Variants in CCDC179 observed in about 807,000 individuals in gnomAD.
CCDC179 encodes coiled-coil domain containing 179, also known as coiled-coil domain-containing protein 179.
In CCDC179, 17 loss-of-function variants were observed where a neutral mutation model predicts 12.0. The observed-to-expected ratio is 1.42, with a 90% CI of 0.97 to 2.13. CCDC179 has a LOEUF of 2.13. CCDC179 is among the 30% of genes most tolerant of loss of function. CCDC179 has a pLI of 0.00. For synonymous variants in CCDC179, 27 were observed against 26.4 expected, an observed-to-expected ratio of 1.02 and a Z score of -0.07; for missense variants, 83 against 78.6, an observed-to-expected ratio of 1.06 and a Z score of -0.21.
In CCDC179 at chr11:22,849,798, T is replaced by C. The variant is rs12285694; in HGVS notation, c.196-2277A>G. Among the ~76,000 whole-genome samples the C allele has an allele frequency of 7.2e-3, 1,091 of 152,250 alleles. 17 individuals are homozygous for C. Among genetic ancestry groups the C allele is most frequent in the African/African-American group, 0.025 (1,034 of 41,536 alleles). On this transcript the variant is annotated intron_variant, in intron 3 of 3. Coordinates refer to ENST00000532798, the MANE Select transcript of CCDC179 (RefSeq NM_001195637.2). Reference sequence around the variant, plus strand: ...TCTGGGGTAGATACCCAGGGTTCGTTGTCCCGTACCAAGAAAATTTAGGAC... The same window carrying C: ...TCTGGGGTAGATACCCAGGGTTCGTCGTCCCGTACCAAGAAAATTTAGGAC...
rs1175958372 is a variant in CCDC179, at chr11:22,847,526, A to T, written c.196-5T>A. 2 of 1,398,302 alleles carry T rather than the reference A, an allele frequency of 1.4e-6. No homozygotes were observed. Among genetic ancestry groups the T allele is most frequent in the Middle Eastern group, 2.0e-4 (1 of 5,126 alleles). The allele number at this position is 1,398,302 out of a possible 1,614,324, so 86.6% of individuals were successfully genotyped here. Reference sequence around the variant, plus strand: ...CCTGCTTTATCAAGATGACCACTAGACAAGATTAAAATACACAAAGAATAA... The same window carrying T: ...CCTGCTTTATCAAGATGACCACTAGTCAAGATTAAAATACACAAAGAATAA... On this transcript the variant is annotated splice_polypyrimidine_tract_variant and splice_region_variant and intron_variant, in intron 3 of 3. Coordinates refer to ENST00000532798, the MANE Select transcript of CCDC179 (RefSeq NM_001195637.2).
At chr11:22,850,034 C>T (rs148428246) in intron 3 of CCDC179, among the ~76,000 whole-genome samples, 3 of 152,272 alleles carry the variant, frequency 2.0e-5, no homozygotes, top group Non-Finnish European at 2.9e-5. Context: ...GTTTACATAG[C>T]ATGCAGGGAA....
chr11:22,856,037 A>C (rs1279839816), intron 3 of CCDC179, among the ~76,000 whole-genome samples: 3 of 151,426 alleles, frequency 2.0e-5, no homozygotes, highest in Admixed American at 2.0e-4. Flanking sequence ...AATAATTACC[A>C]ATCTTTCAAA....
At chr11:22,852,356 C>G (rs1205013847) in intron 3 of CCDC179, among the ~76,000 whole-genome samples, 2 of 152,160 alleles carry the variant, frequency 1.3e-5, no homozygotes, top group Non-Finnish European at 2.9e-5. Flanking sequence ...CTTTGTAAAA[C>G]TAATGAAAGG....
At chr11:22,854,042 A>G (rs1267548516) in intron 3 of CCDC179, among the ~76,000 whole-genome samples, 4 of 151,934 alleles carry the variant, frequency 2.6e-5, no homozygotes, top group Non-Finnish European at 5.9e-5. Context: ...AGAATGGAGT[A>G]AAATATTTAA....
chr11:22,858,443 T>A (rs969893216), intron 2 of CCDC179, among the ~76,000 whole-genome samples: 3 of 152,062 alleles, frequency 2.0e-5, no homozygotes, highest in African/African-American at 7.2e-5. Context: ...GCCACCATTG[T>A]GTGGCGTCTA....
chr11:22,855,455 A>G (rs1289502823), intron 3 of CCDC179, among the ~76,000 whole-genome samples: 1 of 151,584 alleles, frequency 6.6e-6, no homozygotes, highest in African/African-American at 2.4e-5. Context: ...ACTAGCACAT[A>G]GATCGATGAA....
intron 3 of CCDC179, among the ~76,000 whole-genome samples, chr11:22,855,066 C>T (rs976794521): frequency 6.6e-6 from 1 of 151,568 alleles, no homozygotes; most frequent in Non-Finnish European, 1.5e-5. Flanking sequence ...GAGGCAAAAA[C>T]TGATAAAAGT....
intron 1 of CCDC179, among the ~76,000 whole-genome samples, chr11:22,860,069 A>G (rs1184996751): frequency 1.3e-5 from 2 of 152,176 alleles, no homozygotes; most frequent in Non-Finnish European, 2.9e-5. Flanking sequence ...ACATCTGGCA[A>G]TTGAGAACTT....
chr11:22,848,992 C>G lies in CCDC179; in HGVS notation c.196-1471G>C, dbSNP rs12787548. ...ATGAAACAAAACAAAATTAAAGTAA[C>G]TGTTTTTGACCATATTTGAGAAGGA... On this transcript the variant is annotated intron_variant, in intron 3 of 3. Transcript: ENST00000532798. 1.8e-3 allele frequency among the ~76,000 whole-genome samples: 271 copies of G among 152,286 alleles called. 4 individuals are homozygous for G. Among genetic ancestry groups the G allele is most frequent in the Non-Finnish European group, 2.7e-3 (187 of 68,012 alleles).
intron 3 of CCDC179, among the ~76,000 whole-genome samples, chr11:22,852,958 A>G (rs73486343): frequency 0.034 from 5,133 of 152,260 alleles, 284 homozygotes; most frequent in African/African-American, 0.12. Context: ...CAACACATCA[A>G]TTAGTCTCCT....
chr11:22,855,095 A>T (rs760420604), intron 3 of CCDC179, among the ~76,000 whole-genome samples: 12 of 151,722 alleles, frequency 7.9e-5, no homozygotes, highest in Non-Finnish European at 1.2e-4. Context: ...AAATAGACAA[A>T]TCTGCTATCA....
At chr11:22,855,915 A>T (rs528163170) in intron 3 of CCDC179, among the ~76,000 whole-genome samples, 29 of 151,542 alleles carry the variant, frequency 1.9e-4, no homozygotes, top group Middle Eastern at 3.4e-3. Context: ...TATGCTCATA[A>T]ACTTGAAAAC....
At position 22,850,976 on chromosome 11, in the gene CCDC179, ATTTTT is replaced by A. The variant is rs1164245496; in HGVS notation, c.196-3460_196-3456del. On this transcript the variant is annotated intron_variant, in intron 3 of 3. Transcript: ENST00000532798. Reference sequence around the variant, plus strand: ...TATATATATATATATATATATATATATTTTTTTTTTTTTTTTTTTTTTTTGCTGAG... The same window carrying A: ...TATATATATATATATATATATATATATTTTTTTTTTTTTTTTTTTGCTGAG... Among the ~76,000 whole-genome samples the A allele has an allele frequency of 6.6e-3, 40 of 6,076 alleles. 1 individual carries two copies. Among genetic ancestry groups the A allele is most frequent in the African/African-American group, 0.012 (40 of 3,226 alleles). 4.0% of individuals were successfully genotyped at this position (6,076 alleles called of 152,430 possible). A position where few individuals can be genotyped will look rare whatever the true frequency, so the allele number is the denominator to read the frequency against.
At chr11:22,853,541 T>C (rs1590191275) in intron 3 of CCDC179, among the ~76,000 whole-genome samples, 1 of 151,840 alleles carries the variant, frequency 6.6e-6, no homozygotes, top group East Asian at 1.9e-4. Context: ...CTTAAAGATA[T>C]GTAAATAGAA....
intron 3 of CCDC179, among the ~76,000 whole-genome samples, chr11:22,853,408 C>G (rs1270949555): frequency 1.3e-5 from 2 of 151,840 alleles, no homozygotes; most frequent in East Asian, 3.9e-4. Flanking sequence ...TAATACAAGG[C>G]AAAATGGAAA....
In CCDC179 at chr11:22,847,350, G is replaced by A. The variant is rs1858245991; in HGVS notation, c.*160C>T. 1 of 400,618 alleles carries A rather than the reference G, an allele frequency of 2.5e-6. No individual in the cohort carries two copies. The highest frequency in any genetic ancestry group is 4.3e-6 in the Non-Finnish European group (1 of 230,290). The allele number at this position is 400,618 out of a possible 1,614,324, so 24.8% of individuals were successfully genotyped here. On this transcript the variant is annotated 3_prime_UTR_variant, in exon 4 of 4. Coordinates refer to ENST00000532798, the MANE Select transcript of CCDC179 (RefSeq NM_001195637.2). ...GGCATTTAATAAAATTCTAGAGCCT[G>A]TAGCTTGGATATTAAATACTTGCAC...
chr11:22,854,432 G>A (rs11026815), intron 3 of CCDC179, among the ~76,000 whole-genome samples: 55,728 of 151,550 alleles, frequency 0.37, 10,785 homozygotes, highest in East Asian at 0.64. Flanking sequence ...AAGAAAAGGG[G>A]AATGGGAATA....
intron 3 of CCDC179, among the ~76,000 whole-genome samples, chr11:22,851,947 G>T (rs1053873264): frequency 1.3e-5 from 2 of 152,116 alleles, no homozygotes; most frequent in African/African-American, 4.8e-5. Context: ...AGTAGTGAAA[G>T]GGGAGAAGTA....
Sources: allele counts gnomAD v4.1 joint callset (sites outside exome capture counted in the v4.1 genomes callset), GRCh38; gene constraint gnomAD v4.1.1; transcripts MANE v1.5; gene names NCBI Gene and HGNC (gene_info 2026-07-23, HGNC 2026-07-21).